The following MARK3 variants were observed in gnomAD, a reference collection of about 807,000 sequenced individuals.
MARK3 encodes the protein MAP/microtubule affinity-regulating kinase 3.
MARK3 carries 46 observed loss-of-function variants against 90.1 expected under a neutral mutation model. That is an observed-to-expected ratio of 0.51 (90% CI 0.40 to 0.65). The LOEUF (loss-of-function observed/expected upper bound fraction) is 0.65. Ranked by LOEUF, MARK3 falls within the 30% of genes least tolerant of loss-of-function variation. The pLI is 0.00. For missense variants in MARK3, 818 were observed against 947.2 expected, an observed-to-expected ratio of 0.86 and a Z score of 1.79; for synonymous variants, 321 against 332.6, an observed-to-expected ratio of 0.97 and a Z score of 0.38.
intron 14 of MARK3, among the ~76,000 whole-genome samples, chr14:103,487,691 T>TG (rs1469531827): frequency 2.0e-5 from 3 of 152,176 alleles, no homozygotes; most frequent in African/African-American, 7.2e-5. Flanking sequence ...GTGTTGACCC[T>TG]GGACTCACCC....
At chr14:103,421,844 A>G (rs1379385386) in intron 2 of MARK3, among the ~76,000 whole-genome samples, 3 of 152,154 alleles carry the variant, frequency 2.0e-5, no homozygotes, top group African/African-American at 7.2e-5. Context: ...CATGTGATCA[A>G]TATGCCATCT....
At chr14:103,461,486 T>G (rs1291728649) in intron 6 of MARK3, among the ~76,000 whole-genome samples, 1 of 152,240 alleles carries the variant, frequency 6.6e-6, no homozygotes. Flanking sequence ...GAATCCTTAA[T>G]AGTGCACGTA....
chr14:103,494,885 G>T (rs944466243), intron 15 of MARK3, among the ~76,000 whole-genome samples: 5 of 152,014 alleles, frequency 3.3e-5, no homozygotes, highest in African/African-American at 9.7e-5. Flanking sequence ...GATCCACCGC[G>T]CCCAGCCAAA....
rs552608200 is a variant in MARK3 at position 103,483,587 on chromosome 14, T to C, written c.1586+3097T>C. 2.6e-5 allele frequency among the ~76,000 whole-genome samples: 4 copies of C among 152,378 alleles called. No homozygotes were observed. In the South Asian group the frequency reaches 8.3e-4, roughly 32 times the overall value. On this transcript the variant is annotated intron_variant, in intron 14 of 17. Transcript: ENST00000429436. ...GTTCTTACTAGGCCAATCTTTGTTT[T>C]ATCAGCTTTCCTGTGGGAACAATAA...
At chr14:103,476,164 C>G (rs1472934061) in intron 13 of MARK3, among the ~76,000 whole-genome samples, 1 of 152,138 alleles carries the variant, frequency 6.6e-6, no homozygotes, top group Non-Finnish European at 1.5e-5. Context: ...CGGACACCTG[C>G]TGAGCCTTAG....
At chr14:103,398,427 CTT>C (rs1385198041) in intron 1 of MARK3, among the ~76,000 whole-genome samples, 1 of 152,196 alleles carries the variant, frequency 6.6e-6, no homozygotes, top group Non-Finnish European at 1.5e-5. Context: ...TTTAGAATCT[CTT>C]TATACATTCC....
intron 1 of MARK3, among the ~76,000 whole-genome samples, chr14:103,395,685 C>G (rs1025225610): frequency 2.0e-5 from 3 of 152,166 alleles, no homozygotes; most frequent in African/African-American, 7.2e-5. Context: ...CCTTTCATAT[C>G]TGCAAACATC....
chr14:103,475,990 G>T (rs955749011), intron 13 of MARK3, among the ~76,000 whole-genome samples: 1 of 151,020 alleles, frequency 6.6e-6, no homozygotes, highest in African/African-American at 2.4e-5. Context: ...CGGAGCCCTC[G>T]TGGCCTAAAC....
chr14:103,424,118 G>A (rs553662088), intron 2 of MARK3, among the ~76,000 whole-genome samples: 1 of 151,990 alleles, frequency 6.6e-6, no homozygotes, highest in African/African-American at 2.4e-5. Context: ...GCCAAGGCAC[G>A]AGAATTGCTC....
chr14:103,443,575 C>T (rs970816148), intron 3 of MARK3, among the ~76,000 whole-genome samples: 7 of 151,920 alleles, frequency 4.6e-5, no homozygotes, highest in Non-Finnish European at 7.4e-5. Flanking sequence ...AGGAAGAGCA[C>T]CAAGAGAGGG....
chr14:103,426,290 A>G (rs1221021782), intron 2 of MARK3, among the ~76,000 whole-genome samples: 3 of 96,036 alleles, frequency 3.1e-5, no homozygotes, highest in African/African-American at 1.2e-4. Flanking sequence ...TTTTTTTTTT[A>G]CAGTTTCTCA....
At chr14:103,392,809 T>C (rs1033488278) in intron 1 of MARK3, among the ~76,000 whole-genome samples, 6 of 151,710 alleles carry the variant, frequency 4.0e-5, no homozygotes, top group African/African-American at 1.5e-4. Context: ...TAATTAGCTT[T>C]TTTTTTTTTT....
At chr14:103,476,975 A>G (rs1447326292) in intron 13 of MARK3, among the ~76,000 whole-genome samples, 1 of 152,198 alleles carries the variant, frequency 6.6e-6, no homozygotes, top group Non-Finnish European at 1.5e-5. Flanking sequence ...CCCTGCCTTC[A>G]TGACTTCTCT....
intron 3 of MARK3, among the ~76,000 whole-genome samples, chr14:103,430,620 C>T (rs1461474326): frequency 6.6e-6 from 1 of 152,080 alleles, no homozygotes; most frequent in Non-Finnish European, 1.5e-5. Flanking sequence ...CCACCACTAC[C>T]GAAAAAGGTG....
chr14:103,422,778 G>T (rs755060539), intron 2 of MARK3, among the ~76,000 whole-genome samples: 1 of 152,170 alleles, frequency 6.6e-6, no homozygotes, highest in Non-Finnish European at 1.5e-5. Context: ...CTTCATGCTT[G>T]TGATATTCTT....
At position 103,424,521 on chromosome 14, in the gene MARK3, G is replaced by A. The variant is rs551932915; in HGVS notation, c.244-3866G>A. ...ACCCTGGACAACAGAATGAGACCTC[G>A]TCTCAAAAAAAAAAAACAAAAAAAA... On this transcript the variant is annotated intron_variant, in intron 2 of 17. Transcript: ENST00000429436. 1.2e-4 allele frequency among the ~76,000 whole-genome samples: 10 copies of A among 80,140 alleles called. No homozygotes were observed. The South Asian group carries it at 4.7e-3, about 37-fold the overall frequency. 52.6% of individuals were successfully genotyped at this position (80,140 alleles called of 152,430 possible).
chr14:103,447,546 T>G (rs770697496), intron 3 of MARK3, among the ~76,000 whole-genome samples: 3 of 152,202 alleles, frequency 2.0e-5, no homozygotes, highest in African/African-American at 4.8e-5. Flanking sequence ...CACAGAAGGA[T>G]AGCAGGACCT....
In MARK3 at chr14:103,498,507, T is replaced by C; in HGVS notation, c.1850T>C (p.Met617Thr). The C allele has an allele frequency of 7.4e-7, 1 of 1,352,138 alleles. No individual in the cohort carries two copies. The highest frequency in any genetic ancestry group is 9.6e-7 in the Non-Finnish European group (1 of 1,041,290). 83.8% of individuals were successfully genotyped at this position (1,352,138 alleles called of 1,614,324 possible). ...KLTSKLTRRN[M>T]SFRFIKRLPT... ...TTTTACTTAATTTCTTTTAGAAACA[T>C]GTCATTCAGGTTTATCAAAAGGTAG... Residue 617 changes from methionine to threonine, a missense_variant, in exon 16 of 18, where the codon ATG (methionine) becomes ACG (threonine). Physicochemically the swap from Met to Thr is moderately conservative, Grantham distance 81 (BLOSUM62 -1). Coordinates refer to ENST00000429436, the MANE Select transcript of MARK3 (RefSeq NM_001128918.3).
intron 14 of MARK3, among the ~76,000 whole-genome samples, chr14:103,487,118 T>C (rs1246473538): frequency 3.3e-5 from 5 of 151,236 alleles, no homozygotes; most frequent in African/African-American, 9.7e-5. Context: ...GTTTTTGCCA[T>C]GTTGGCCAGG....
Sources: allele counts gnomAD v4.1 joint callset (sites outside exome capture counted in the v4.1 genomes callset), GRCh38; gene constraint gnomAD v4.1.1; transcripts MANE v1.5; gene names NCBI Gene and HGNC (gene_info 2026-07-23, HGNC 2026-07-21).